Variants in WWOX observed in about 807,000 individuals in gnomAD.
WWOX encodes WW domain containing oxidoreductase.
Under a neutral mutation model 46.2 loss-of-function variants are expected in WWOX, and 69 were observed. That is an observed-to-expected ratio of 1.49 (90% CI 1.23 to 1.82). The LOEUF is 1.82. WWOX is among the 40% of genes most tolerant of loss of function. WWOX has a pLI of 0.00. For missense variants in WWOX, 919 were observed against 542.6 expected (o/e 1.69, Z -6.89); for synonymous variants, 359 against 202.6 (o/e 1.77, Z -6.56).
chr16:78,370,951 C>G (rs990711673), intron 5 of WWOX, among the ~76,000 whole-genome samples: 6 of 144,382 alleles, frequency 4.2e-5, no homozygotes, highest in African/African-American at 1.5e-4. Context: ...GTTTAGAGGT[C>G]AGGTTGCTCT....
chr16:78,437,304 T>C (rs1253004652), intron 8 of WWOX, among the ~76,000 whole-genome samples: 1 of 152,212 alleles, frequency 6.6e-6, no homozygotes, highest in African/African-American at 2.4e-5. Context: ...GTCGGGCTAT[T>C]TTAAGTGCCT....
chr16:78,821,881 A>T (rs942948889), intron 8 of WWOX, among the ~76,000 whole-genome samples: 1 of 152,162 alleles, frequency 6.6e-6, no homozygotes, highest in Non-Finnish European at 1.5e-5. Flanking sequence ...AAATATTAAA[A>T]TAAACTTTTT....
At chr16:78,629,711 A>G (rs568870944) in intron 8 of WWOX, among the ~76,000 whole-genome samples, 14 of 152,272 alleles carry the variant, frequency 9.2e-5, no homozygotes, top group African/African-American at 2.9e-4. Flanking sequence ...TGCTTTAGCT[A>G]ATCAACTCTT....
chr16:78,721,893 C>T (rs1005478991), intron 8 of WWOX, among the ~76,000 whole-genome samples: 1 of 152,218 alleles, frequency 6.6e-6, no homozygotes, highest in African/African-American at 2.4e-5. Flanking sequence ...CTGGAATTGT[C>T]GATAATGTCA....
chr16:78,548,695 A>G (rs1597249330), intron 8 of WWOX, among the ~76,000 whole-genome samples: 1 of 152,158 alleles, frequency 6.6e-6, no homozygotes, highest in South Asian at 2.1e-4. Context: ...ATTCCAATTT[A>G]TTTAATTAAT....
intron 8 of WWOX, among the ~76,000 whole-genome samples, chr16:78,492,899 C>T (rs999774105): frequency 2.0e-5 from 3 of 152,116 alleles, no homozygotes; most frequent in Non-Finnish European, 4.4e-5. Flanking sequence ...CATGCACTCC[C>T]AAAGTCCTTT....
intron 8 of WWOX, among the ~76,000 whole-genome samples, chr16:78,464,577 A>G (rs1238014750): frequency 2.0e-5 from 3 of 152,164 alleles, no homozygotes; most frequent in African/African-American, 7.2e-5. Flanking sequence ...TCTAAAGGGT[A>G]AAGGTGCAGG....
chr16:78,773,864 T>C (rs933323176), intron 8 of WWOX, among the ~76,000 whole-genome samples: 2 of 152,186 alleles, frequency 1.3e-5, no homozygotes, highest in African/African-American at 4.8e-5. Flanking sequence ...GTATTTAACT[T>C]CTGTTGGCAT....
At chr16:78,244,035 C>T (rs989213387) in intron 5 of WWOX, among the ~76,000 whole-genome samples, 20 of 152,328 alleles carry the variant, frequency 1.3e-4, no homozygotes, top group East Asian at 1.9e-4. Flanking sequence ...CCCTTCACTG[C>T]GGCTTAGCCT....
At chr16:78,160,909 A>G (rs952887366) in intron 4 of WWOX, among the ~76,000 whole-genome samples, 13 of 152,006 alleles carry the variant, frequency 8.6e-5, no homozygotes, top group African/African-American at 2.9e-4. Context: ...GAATTTGTCT[A>G]TTTATTGTCC....
chr16:78,577,372 A>T (rs1047852120), intron 8 of WWOX, among the ~76,000 whole-genome samples: 3 of 152,206 alleles, frequency 2.0e-5, no homozygotes, highest in Admixed American at 6.5e-5. Context: ...GAGCTTTTAA[A>T]ACTGAGCATT....
intron 5 of WWOX, among the ~76,000 whole-genome samples, chr16:78,261,282 G>GC (rs2079227151): frequency 7.1e-6 from 1 of 139,898 alleles, no homozygotes; most frequent in Non-Finnish European, 1.6e-5. Context: ...TAGATAGATA[G>GC]ATACATACAT....
chr16:78,541,347 A>G lies in WWOX; in HGVS notation c.1056+108595A>G, dbSNP rs867481122. On this transcript the variant is annotated intron_variant, in intron 8 of 8. Transcript: ENST00000566780. ...AAATTAGCCGGGCGTAGTGGCGGGC[A>G]CCTGTAGTCCCAGCTACTTGGGAGG... Among the ~76,000 whole-genome samples the G allele has an allele frequency of 2.9e-4, 44 of 149,554 alleles. 1 individual carries two copies. The highest frequency in any genetic ancestry group is 9.5e-4 in the African/African-American group (39 of 40,840).
chr16:78,976,884 C>T (rs766340262), intron 8 of WWOX, among the ~76,000 whole-genome samples: 6 of 152,154 alleles, frequency 3.9e-5, no homozygotes, highest in Non-Finnish European at 5.9e-5. Context: ...GTATGCACGC[C>T]GCACTCCACC....
chr16:79,114,943 A>G lies in WWOX; in HGVS notation c.1057-96665A>G, dbSNP rs151015123. On this transcript the variant is annotated intron_variant, in intron 8 of 8. Transcript: ENST00000566780. ...GAGCCGGGGCTGCAGACTAAATTAT[A>G]TACATCTCAAGGGCAGTTAGACAAT... Among the ~76,000 whole-genome samples, 246 of 152,324 alleles carry G rather than the reference A, an allele frequency of 1.6e-3. 2 individuals carry two copies. Among genetic ancestry groups the G allele is most frequent in the African/African-American group, 5.7e-3 (238 of 41,582 alleles).
intron 8 of WWOX, among the ~76,000 whole-genome samples, chr16:79,057,103 G>C (rs549176872): frequency 7.2e-5 from 11 of 152,328 alleles, no homozygotes; most frequent in African/African-American, 2.4e-4. Flanking sequence ...CCACTAATCT[G>C]TTATGACTGC....
intron 8 of WWOX, among the ~76,000 whole-genome samples, chr16:79,042,582 A>G (rs2047992240): frequency 6.6e-6 from 1 of 152,210 alleles, no homozygotes; most frequent in Non-Finnish European, 1.5e-5. Flanking sequence ...GTTATAATGC[A>G]GCATGGAAAT....
At chr16:79,062,861 A>C (rs1314395857) in intron 8 of WWOX, among the ~76,000 whole-genome samples, 1 of 152,200 alleles carries the variant, frequency 6.6e-6, no homozygotes, top group African/African-American at 2.4e-5. Flanking sequence ...CATTGAAGGA[A>C]CATCTGTTTT....
chr16:79,087,817 C>T (rs760755504), intron 8 of WWOX, among the ~76,000 whole-genome samples: 1 of 152,098 alleles, frequency 6.6e-6, no homozygotes, highest in Non-Finnish European at 1.5e-5. Context: ...AGCCACCTCA[C>T]GTAATGTGAG....
Sources: gnomAD v4.1 joint callset for allele counts (sites outside exome capture counted in the v4.1 genomes callset) on GRCh38, gnomAD v4.1.1 for gene constraint, MANE v1.5 for transcripts, NCBI Gene and HGNC (gene_info 2026-07-23, HGNC 2026-07-21) for gene names.